Variants in PTPRO observed in about 807,000 individuals in gnomAD.
PTPRO encodes protein tyrosine phosphatase receptor type O.
In PTPRO, 62 loss-of-function variants were observed where a neutral mutation model predicts 145.2. That is an observed-to-expected ratio of 0.43 (90% CI 0.35 to 0.53). PTPRO has a LOEUF of 0.53. PTPRO is among the 20% of genes least tolerant of loss of function. The pLI is 0.01. For missense variants in PTPRO, 1,345 were observed against 1,482.7 expected (o/e 0.91, Z 1.53); for synonymous variants, 565 against 514.7 (o/e 1.10, Z -1.32).
At chr12:15,527,875 A>ACCCC (rs1555173370) in intron 12 of PTPRO, among the ~76,000 whole-genome samples, 1 of 137,754 alleles carries the variant, frequency 7.3e-6, no homozygotes, top group African/African-American at 2.8e-5. Context: ...GGGAACTGTG[A>ACCCC]CCCGCCCACG....
At chr12:15,419,041 G>T (rs1190857066) in intron 1 of PTPRO, among the ~76,000 whole-genome samples, 1 of 151,574 alleles carries the variant, frequency 6.6e-6, no homozygotes, top group Non-Finnish European at 1.5e-5. Flanking sequence ...CATATTAAAT[G>T]CTAGATCAGT....
At chr12:15,520,084 A>G in intron 9 of PTPRO, 117 bp from the exon 10 acceptor site, 1 of 670,314 alleles carries the variant, frequency 1.5e-6, no homozygotes, top group Non-Finnish European at 2.7e-6. Context: ...GAAACACAAA[A>G]AGACAATATA....
At chr12:15,427,032 G>T (rs1565623002) in intron 1 of PTPRO, among the ~76,000 whole-genome samples, 2 of 151,948 alleles carry the variant, frequency 1.3e-5, no homozygotes, top group African/African-American at 2.4e-5. Context: ...TCAGAAAACT[G>T]GTTCTTAAAA....
intron 1 of PTPRO, among the ~76,000 whole-genome samples, chr12:15,468,668 CCT>C (rs1296069345): frequency 1.3e-5 from 2 of 152,162 alleles, no homozygotes; most frequent in African/African-American, 4.8e-5. Flanking sequence ...TAATGTATTT[CCT>C]CTCTCTCCAC....
intron 18 of PTPRO, among the ~76,000 whole-genome samples, chr12:15,568,573 T>A (rs532166335): frequency 1.3e-5 from 2 of 152,178 alleles, no homozygotes; most frequent in Non-Finnish European, 2.9e-5. Context: ...TGACAGAATG[T>A]GGAATTCTGC....
chr12:15,520,228 T>A lies in PTPRO; in HGVS notation c.1807T>A (p.Tyr603Asn). 1 of 1,613,922 alleles carries A rather than the reference T, an allele frequency of 6.2e-7. No homozygotes were observed. The highest frequency in any genetic ancestry group is 8.5e-7 in the Non-Finnish European group (1 of 1,179,848). ...VRIANLLPAWYYNFRVTMVTW... is the reference protein window; with the variant it reads ...VRIANLLPAWNYNFRVTMVTW... Reference sequence around the variant, plus strand: ...AATAGCTAATCTGCTGCCAGCATGGTACTACAACTTCCGGGTTACCATGGT... The same window carrying A: ...AATAGCTAATCTGCTGCCAGCATGGAACTACAACTTCCGGGTTACCATGGT... The change falls in exon 10 of 27, where the codon TAC (tyrosine) becomes AAC (asparagine). Residue 603 changes from tyrosine to asparagine, a missense_variant. This residue lies in a region of PTPRO where 1,130 missense variants were observed against 1,214.7 expected (regional missense o/e 0.93). Coordinates refer to ENST00000281171, the MANE Select transcript of PTPRO (RefSeq NM_030667.3).
rs1050743627 is a variant in PTPRO, at chr12:15,583,911, C to T, written c.3255+2110C>T. 2.6e-5 allele frequency among the ~76,000 whole-genome samples: 4 copies of T among 152,260 alleles called. 1 individual carries two copies. Among genetic ancestry groups the T allele is most frequent in the Middle Eastern group, 6.8e-3 (2 of 294 alleles). ...GACCAGGAGAATTCAGGCAAATCCC[C>T]GTATGACTCTAACAGGCTGTGTTTC... On this transcript the variant is annotated intron_variant, in intron 23 of 26. Transcript: ENST00000281171.
intron 26 of PTPRO, 82 bp downstream of exon 26, chr12:15,595,139 G>T (rs2135683279): frequency 2.3e-6 from 2 of 869,186 alleles, no homozygotes; most frequent in Non-Finnish European, 3.8e-6. Flanking sequence ...AAAGACAGCA[G>T]TAGCCATTTG....
intron 13 of PTPRO, among the ~76,000 whole-genome samples, chr12:15,547,136 G>A (rs1465490101): frequency 6.6e-6 from 1 of 152,078 alleles, no homozygotes; most frequent in South Asian, 2.1e-4. Flanking sequence ...ATAGAAAAAA[G>A]TAAAGTAAAA....
chr12:15,571,037 A>T (rs1944033562), intron 19 of PTPRO, among the ~76,000 whole-genome samples: 1 of 152,224 alleles, frequency 6.6e-6, no homozygotes, highest in African/African-American at 2.4e-5. Flanking sequence ...AAGGGGGTTT[A>T]TTCAAAGGAT....
chr12:15,322,612 C>G lies in PTPRO; in HGVS notation c.-115C>G, dbSNP rs1226067361. ...GACTGGAAAGGCAGCATGCGCTCGC[C>G]AGGAGCAACCTCGGCGCCCAGGGTC... On this transcript the variant is annotated 5_prime_UTR_variant, in exon 1 of 27. Coordinates refer to ENST00000281171, the MANE Select transcript of PTPRO (RefSeq NM_030667.3). This position sits in a 1 kb window ranked among gnomAD's most constrained non-coding sequence, Gnocchi z 6.3. The G allele has an allele frequency of 8.0e-6, 7 of 878,632 alleles. No individual in the cohort carries two copies. The highest frequency in any genetic ancestry group is 1.1e-5 in the Non-Finnish European group (6 of 536,114). 54.4% of individuals were successfully genotyped at this position (878,632 alleles called of 1,614,324 possible).
chr12:15,571,566 G>C (rs1053206800), intron 19 of PTPRO, among the ~76,000 whole-genome samples: 1 of 152,196 alleles, frequency 6.6e-6, no homozygotes, highest in Non-Finnish European at 1.5e-5. Context: ...GATTACAGCC[G>C]TGAGCCACGA....
In PTPRO at chr12:15,503,933, G is replaced by A. The variant is rs368790873; in HGVS notation, c.1131G>A (p.Val377=). 5.1e-6 allele frequency: 8 copies of A among 1,583,424 alleles called. No homozygotes were observed. The African/African-American group carries it at 6.7e-5, about 13-fold the overall frequency. Reference sequence around the variant, plus strand: ...AGAACTTTACTGAATATTTGATGGTGGATGAAGAAGCACATGAATTTGTTG... The same window carrying A: ...AGAACTTTACTGAATATTTGATGGTAGATGAAGAAGCACATGAATTTGTTG... ...REENFTEYLM[V]DEEAHEFVAE... The change falls in exon 6 of 27, where the codon GTG becomes GTA. Residue 377 remains valine (V), a synonymous_variant. Coordinates refer to ENST00000281171, the MANE Select transcript of PTPRO (RefSeq NM_030667.3).
intron 1 of PTPRO, among the ~76,000 whole-genome samples, chr12:15,357,997 C>G (rs1438040846): frequency 6.6e-6 from 1 of 151,130 alleles, no homozygotes; most frequent in African/African-American, 2.4e-5. Context: ...AAATGTCCAA[C>G]AATGATAGAC....
chr12:15,581,397 G>T (rs1944314537), intron 22 of PTPRO, among the ~76,000 whole-genome samples: 2 of 150,542 alleles, frequency 1.3e-5, no homozygotes, highest in Non-Finnish European at 2.9e-5. Flanking sequence ...TGCCTCCCAG[G>T]TTCAAGCGAT....
chr12:15,429,435 A>C (rs570687248), intron 1 of PTPRO, among the ~76,000 whole-genome samples: 2 of 152,196 alleles, frequency 1.3e-5, no homozygotes, highest in Non-Finnish European at 2.9e-5. Flanking sequence ...TCCTGAGGGC[A>C]TGATACATGT....
chr12:15,328,022 G>A (rs1024582940), intron 1 of PTPRO, among the ~76,000 whole-genome samples: 1 of 151,852 alleles, frequency 6.6e-6, no homozygotes, highest in Non-Finnish European at 1.5e-5. Flanking sequence ...GCTGAGGCAG[G>A]AGAATCGCTT....
chr12:15,373,462 G>T (rs1938590836), intron 1 of PTPRO, among the ~76,000 whole-genome samples: 1 of 152,074 alleles, frequency 6.6e-6, no homozygotes. Flanking sequence ...GTTTTCAGAA[G>T]TCTATATGAA....
chr12:15,485,711 G>A (rs1941871514), intron 2 of PTPRO, among the ~76,000 whole-genome samples: 2 of 152,138 alleles, frequency 1.3e-5, no homozygotes, highest in Non-Finnish European at 2.9e-5. Flanking sequence ...TTAGCTAACT[G>A]TTCATGAAGA....
Sources: gnomAD v4.1 joint callset for allele counts (sites outside exome capture counted in the v4.1 genomes callset) on GRCh38, gnomAD v4.1.1 for gene constraint, gnomAD v4.1.1 regional missense constraint, Gnocchi (gnomAD v3.1) non-coding constraint, MANE v1.5 for transcripts, NCBI Gene and HGNC (gene_info 2026-07-23, HGNC 2026-07-21) for gene names.